The following ST8SIA4 variants were observed in gnomAD, a reference collection of about 807,000 sequenced individuals.
ST8SIA4 encodes the protein CMP-N-acetylneuraminate-poly-alpha-2,8-sialyltransferase.
ST8SIA4 carries 15 observed loss-of-function variants against 33.9 expected under a neutral mutation model. The observed-to-expected ratio is 0.44, with a 90% CI of 0.30 to 0.68. The LOEUF (loss-of-function observed/expected upper bound fraction) is 0.68, where lower values mean the gene tolerates loss of function less well. ST8SIA4 is among the 30% of genes least tolerant of loss of function. The probability of loss-of-function intolerance (pLI) is 0.10; values close to 1 mark genes in which losing one functional copy is unlikely to be tolerated. For synonymous variants in ST8SIA4, 171 were observed against 151.2 expected, an observed-to-expected ratio of 1.13 and a Z score of -0.96; for missense variants, 321 against 428.0, an observed-to-expected ratio of 0.75 and a Z score of 2.21.
At chr5:100,873,735 C>A (rs891872975) in intron 3 of ST8SIA4, among the ~76,000 whole-genome samples, 14 of 152,106 alleles carry the variant, frequency 9.2e-5, no homozygotes, top group African/African-American at 2.9e-4. Flanking sequence ...ACTTTTCCAA[C>A]AAAGGTGGGG....
At chr5:100,873,413 A>C (rs1752240205) in intron 3 of ST8SIA4, among the ~76,000 whole-genome samples, 1 of 150,956 alleles carries the variant, frequency 6.6e-6, no homozygotes, top group Non-Finnish European at 1.5e-5. Flanking sequence ...AAAAGTGACA[A>C]AAAAAAATGT....
intron 3 of ST8SIA4, among the ~76,000 whole-genome samples, chr5:100,873,418 A>T (rs751484421): frequency 2.0e-5 from 3 of 152,144 alleles, no homozygotes; most frequent in Middle Eastern, 3.2e-3. Flanking sequence ...TGACAAAAAA[A>T]AATGTTATGT....
At chr5:100,828,955 A>T (rs1751197176) in intron 4 of ST8SIA4, among the ~76,000 whole-genome samples, 1 of 152,226 alleles carries the variant, frequency 6.6e-6, no homozygotes, top group Non-Finnish European at 1.5e-5. Flanking sequence ...TCACTATGAA[A>T]TAACGACGAA....
intron 3 of ST8SIA4, among the ~76,000 whole-genome samples, chr5:100,874,924 T>A (rs1463690572): frequency 6.6e-6 from 1 of 152,128 alleles, no homozygotes; most frequent in Non-Finnish European, 1.5e-5. Context: ...TATCTCTATG[T>A]TTACATGATA....
chr5:100,880,524 A>G (rs1430874678), intron 3 of ST8SIA4, among the ~76,000 whole-genome samples: 1 of 152,212 alleles, frequency 6.6e-6, no homozygotes, highest in African/African-American at 2.4e-5. Flanking sequence ...CTGAAGCTTC[A>G]GATTACCTCA....
Position 100,855,134 on chromosome 5 carries a change from T to A in ST8SIA4, c.797+969A>T, listed in dbSNP as rs1245912530. Among the ~76,000 whole-genome samples the A allele has an allele frequency of 3.9e-5, 6 of 152,204 alleles. No homozygotes were observed. In the East Asian group the frequency reaches 1.2e-3, roughly 29 times the overall value. ...TACGTTTACTGTGCACTTCATCATT[T>A]GCTTGACCTGGTACCCTCTAATAAT... On this transcript the variant is annotated intron_variant, in intron 4 of 4. Transcript: ENST00000231461.
intron 3 of ST8SIA4, among the ~76,000 whole-genome samples, chr5:100,867,832 A>C (rs1752103574): frequency 6.6e-6 from 1 of 152,050 alleles, no homozygotes; most frequent in African/African-American, 2.4e-5. Context: ...AGATGTAGGC[A>C]TTCTAATACC....
At chr5:100,884,586 G>A (rs1407887799) in intron 3 of ST8SIA4, among the ~76,000 whole-genome samples, 1 of 152,194 alleles carries the variant, frequency 6.6e-6, no homozygotes, top group Non-Finnish European at 1.5e-5. Flanking sequence ...GTGGTAATAT[G>A]AAGCAAGGTT....
intron 3 of ST8SIA4, among the ~76,000 whole-genome samples, chr5:100,861,780 C>G (rs898327904): frequency 2.0e-5 from 3 of 151,958 alleles, no homozygotes; most frequent in Non-Finnish European, 2.9e-5. Context: ...TTTACTTCTT[C>G]CTTTATTGAA....
intron 1 of ST8SIA4, among the ~76,000 whole-genome samples, chr5:100,902,171 GTCTGAACTCA>G (rs2112490756): frequency 6.6e-6 from 1 of 152,262 alleles, no homozygotes; most frequent in Admixed American, 6.5e-5. Context: ...GCGGGGGAGA[GTCTGAACTCA>G]TCTAGACAAA....
chr5:100,883,284 A>T (rs557836283), intron 3 of ST8SIA4, among the ~76,000 whole-genome samples: 2 of 152,164 alleles, frequency 1.3e-5, no homozygotes, highest in Non-Finnish European at 2.9e-5. Flanking sequence ...GCCTCACTGG[A>T]TTTTAGACTA....
rs1750741189 is a variant in ST8SIA4 at position 100,808,598 on chromosome 5, G to T, written c.*3249C>A. ...GCATTGCCAAGTACAGGGTTAAATAGTAAAAAATAAATTAAAATATTAAAA... is the reference window on the plus strand; with the variant it reads ...GCATTGCCAAGTACAGGGTTAAATATTAAAAAATAAATTAAAATATTAAAA... On this transcript the variant is annotated 3_prime_UTR_variant, in exon 5 of 5. Transcript: ENST00000231461. 1 of 152,516 alleles carries T rather than the reference G, an allele frequency of 6.6e-6. No homozygotes were observed. The highest frequency in any genetic ancestry group is 2.4e-5 in the African/African-American group (1 of 41,424). The allele number at this position is 152,516 out of a possible 1,614,324, so 9.4% of individuals were successfully genotyped here. A position where few individuals can be genotyped will look rare whatever the true frequency, so the allele number is the denominator to read the frequency against.
intron 4 of ST8SIA4, among the ~76,000 whole-genome samples, chr5:100,822,730 T>C (rs1368639123): frequency 6.6e-6 from 1 of 152,140 alleles, no homozygotes; most frequent in Non-Finnish European, 1.5e-5. Flanking sequence ...AAAATAAGAC[T>C]GAGACCTGCT....
At chr5:100,869,747 T>A (rs985240989) in intron 3 of ST8SIA4, among the ~76,000 whole-genome samples, 1 of 152,218 alleles carries the variant, frequency 6.6e-6, no homozygotes, top group African/African-American at 2.4e-5. Context: ...TAACATGATG[T>A]CATGATCCTT....
chr5:100,902,766 T>C, intron 1 of ST8SIA4, 77 bp downstream of exon 1: 1 of 1,230,518 alleles, frequency 8.1e-7, no homozygotes, highest in Non-Finnish European at 1.2e-6. Context: ...ATCCTAACCA[T>C]CACTCTACCC....
chr5:100,809,886 T>G lies in ST8SIA4; in HGVS notation c.*1961A>C, dbSNP rs188919274. 1.2e-4 allele frequency: 18 copies of G among 152,244 alleles called. No homozygotes were observed. The East Asian group carries it at 3.5e-3, about 29-fold the overall frequency. 9.4% of individuals were successfully genotyped at this position (152,244 alleles called of 1,614,324 possible). On this transcript the variant is annotated 3_prime_UTR_variant, in exon 5 of 5. Coordinates refer to ENST00000231461, the MANE Select transcript of ST8SIA4 (RefSeq NM_005668.6). ...AATATTCTATATCCCAAGGTTTTAC[T>G]ATATTAAAAAAATATGACATCTAAT... is the stretch of plus-strand genomic sequence containing the variant.
At chr5:100,889,970 G>A (rs1292933789) in intron 2 of ST8SIA4, among the ~76,000 whole-genome samples, 2 of 151,800 alleles carry the variant, frequency 1.3e-5, no homozygotes, top group Admixed American at 1.3e-4. Flanking sequence ...ATTTTACAAA[G>A]TAAAAAGAAA....
At chr5:100,899,160 T>G (rs916342528) in intron 1 of ST8SIA4, among the ~76,000 whole-genome samples, 19 of 152,240 alleles carry the variant, frequency 1.2e-4, no homozygotes, top group African/African-American at 2.4e-5. Context: ...ACTTGGCTTT[T>G]GAATGTATTT....
chr5:100,858,064 T>A (rs1751856882), intron 3 of ST8SIA4, among the ~76,000 whole-genome samples: 1 of 152,046 alleles, frequency 6.6e-6, no homozygotes, highest in East Asian at 1.9e-4. Context: ...TGCATGCGAA[T>A]ACTTGTCAAA....
Sources: gnomAD v4.1 joint callset for allele counts (sites outside exome capture counted in the v4.1 genomes callset) on GRCh38, gnomAD v4.1.1 for gene constraint, MANE v1.5 for transcripts, NCBI Gene and HGNC (gene_info 2026-07-23, HGNC 2026-07-21) for gene names.